The following FARS2 variants were observed in gnomAD, a reference collection of about 807,000 sequenced individuals.
FARS2 encodes phenylalanine--tRNA ligase, mitochondrial.
In FARS2, 40 loss-of-function variants were observed where a neutral mutation model predicts 46.4. The ratio of observed to expected loss-of-function variants is 0.86; its 90% CI spans 0.67 to 1.12. The LOEUF is 1.12. FARS2 is among the 50% of genes most tolerant of loss of function. The probability of loss-of-function intolerance (pLI) is 0.00; values close to 1 mark genes in which losing one functional copy is unlikely to be tolerated. For synonymous variants in FARS2, 234 were observed against 214.9 expected (o/e 1.09, Z -0.78); for missense variants, 513 against 567.9 (o/e 0.90, Z 0.98).
At chr6:5,518,586 G>C (rs1768951251) in intron 4 of FARS2, among the ~76,000 whole-genome samples, 1 of 151,946 alleles carries the variant, frequency 6.6e-6, no homozygotes, top group Non-Finnish European at 1.5e-5. Flanking sequence ...AGGACCAGAG[G>C]AAAATATATG....
Position 5,737,396 on chromosome 6 carries a change from T to C in FARS2, c.1218-33895T>C, listed in dbSNP as rs182141979. 2.0e-3 allele frequency among the ~76,000 whole-genome samples: 304 copies of C among 152,298 alleles called. 2 individuals carry two copies. The highest frequency in any genetic ancestry group is 7.0e-3 in the African/African-American group (291 of 41,572). On this transcript the variant is annotated intron_variant, in intron 6 of 6. Coordinates refer to ENST00000274680, the MANE Select transcript of FARS2 (RefSeq NM_006567.5). ...AAATACAAAAATTAACTGTACGTGG[T>C]GGCATGTGCCTGTAGTCCCAGCTAC...
chr6:5,489,621 C>A (rs1766981440), intron 4 of FARS2, among the ~76,000 whole-genome samples: 1 of 152,110 alleles, frequency 6.6e-6, no homozygotes. Flanking sequence ...CATCTCTTTC[C>A]TTCTCTCTAC....
At chr6:5,685,801 T>G (rs1006496203) in intron 6 of FARS2, among the ~76,000 whole-genome samples, 1 of 152,178 alleles carries the variant, frequency 6.6e-6, no homozygotes, top group African/African-American at 2.4e-5. Flanking sequence ...GAGGCCCATA[T>G]TGGGCCCCTT....
intron 5 of FARS2, among the ~76,000 whole-genome samples, chr6:5,546,542 G>T (rs551585856): frequency 1.3e-5 from 2 of 151,916 alleles, no homozygotes; most frequent in South Asian, 2.1e-4. Context: ...GAGCCACTGC[G>T]CCCAGCCCTC....
intron 1 of FARS2, among the ~76,000 whole-genome samples, chr6:5,293,681 A>C (rs1354902031): frequency 2.0e-5 from 3 of 152,010 alleles, no homozygotes; most frequent in Non-Finnish European, 4.4e-5. Flanking sequence ...TCCATGTACG[A>C]TTTTTTTTGT....
chr6:5,386,861 G>T (rs72815676), intron 2 of FARS2, among the ~76,000 whole-genome samples: 80 of 152,258 alleles, frequency 5.3e-4, no homozygotes, highest in Non-Finnish European at 1.0e-3. Flanking sequence ...TCTGGGCCTG[G>T]CACAGTCGCC....
intron 6 of FARS2, among the ~76,000 whole-genome samples, chr6:5,736,499 A>G (rs1431671821): frequency 1.1e-4 from 17 of 152,160 alleles, no homozygotes; most frequent in Non-Finnish European, 2.2e-4. Context: ...GTTGCCTCTA[A>G]AAAGACCAGC....
At chr6:5,683,131 T>A (rs1051597553) in intron 6 of FARS2, among the ~76,000 whole-genome samples, 3 of 152,158 alleles carry the variant, frequency 2.0e-5, no homozygotes, top group African/African-American at 7.2e-5. Context: ...TAGCATGTGA[T>A]CTGACTTATT....
chr6:5,504,899 C>G (rs533407631), intron 4 of FARS2, among the ~76,000 whole-genome samples: 19 of 152,260 alleles, frequency 1.2e-4, no homozygotes, highest in African/African-American at 4.3e-4. Flanking sequence ...AATCTCGGCT[C>G]ACTGCAGTCT....
chr6:5,341,220 TATATA>T (rs1771587354), intron 1 of FARS2, among the ~76,000 whole-genome samples: 12 of 7,692 alleles, frequency 1.6e-3, no homozygotes, highest in African/African-American at 4.0e-3. Flanking sequence ...TATATATATA[TATATA>T]TATATATATA....
chr6:5,423,223 C>G (rs930787790), intron 3 of FARS2, among the ~76,000 whole-genome samples: 1 of 152,036 alleles, frequency 6.6e-6, no homozygotes, highest in Non-Finnish European at 1.5e-5. Flanking sequence ...TGCTGTGGCT[C>G]TGCCTGAGGC....
intron 1 of FARS2, among the ~76,000 whole-genome samples, chr6:5,315,738 T>TTCTTTCTTTCTTTCTTTC (rs1769438335): frequency 8.0e-6 from 1 of 125,154 alleles, no homozygotes; most frequent in African/African-American, 3.2e-5. Context: ...TTCTTTCTTT[T>TTCTTTCTTTCTTTCTTTC]TTCCTTTCTT....
chr6:5,529,611 C>T (rs1341290104), intron 4 of FARS2, among the ~76,000 whole-genome samples: 1 of 152,114 alleles, frequency 6.6e-6, no homozygotes, highest in African/African-American at 2.4e-5. Context: ...CAGCCTAAGT[C>T]ACAGTAATTA....
chr6:5,347,851 A>C (rs1174613323), intron 1 of FARS2, among the ~76,000 whole-genome samples: 4 of 152,214 alleles, frequency 2.6e-5, no homozygotes, highest in African/African-American at 4.8e-5. Flanking sequence ...TACTGGAACA[A>C]CAACAAGAAC....
intron 6 of FARS2, among the ~76,000 whole-genome samples, chr6:5,661,039 G>A (rs1433951501): frequency 2.0e-5 from 3 of 152,194 alleles, no homozygotes; most frequent in Non-Finnish European, 2.9e-5. Context: ...AGAACCAGCG[G>A]GAGGCTACAG....
intron 5 of FARS2, among the ~76,000 whole-genome samples, chr6:5,607,755 C>G (rs1003446687): frequency 6.6e-6 from 1 of 152,136 alleles, no homozygotes; most frequent in Non-Finnish European, 1.5e-5. Flanking sequence ...CAAGTCATGA[C>G]TTTCATTCCC....
rs11327256 is a variant in FARS2 at position 5,616,010 on chromosome 6, T to TAAAAAAA, written c.1217+2709_1217+2715dup. On this transcript the variant is annotated intron_variant, in intron 6 of 6. Transcript: ENST00000274680. Reference sequence around the variant, plus strand: ...ACTTCAGATTGTAACCCATAGCTCTTAAAAAAAAAAAAAAAAAAAAAAAAA... The same window carrying TAAAAAAA: ...ACTTCAGATTGTAACCCATAGCTCTTAAAAAAAAAAAAAAAAAAAAAAAAAAAAAAAA... 5.2e-5 allele frequency among the ~76,000 whole-genome samples: 5 copies of TAAAAAAA among 95,834 alleles called. No individual in the cohort carries two copies. In the East Asian group the frequency reaches 1.0e-3, roughly 20 times the overall value. The allele number at this position is 95,834 out of a possible 152,430, so 62.9% of individuals were successfully genotyped here.
intron 3 of FARS2, among the ~76,000 whole-genome samples, chr6:5,408,302 A>G (rs1292475909): frequency 1.3e-5 from 2 of 152,150 alleles, no homozygotes; most frequent in Non-Finnish European, 2.9e-5. Flanking sequence ...GACACCTGGT[A>G]AGTGGGAATT....
At chr6:5,306,096 A>G (rs577426511) in intron 1 of FARS2, among the ~76,000 whole-genome samples, 91 of 152,264 alleles carry the variant, frequency 6.0e-4, no homozygotes, top group Non-Finnish European at 8.1e-4. Context: ...CCTAGGGTAG[A>G]GGTTTAAGGT....
Sources: gnomAD v4.1 joint callset for allele counts (sites outside exome capture counted in the v4.1 genomes callset) on GRCh38, gnomAD v4.1.1 for gene constraint, MANE v1.5 for transcripts, NCBI Gene and HGNC (gene_info 2026-07-23, HGNC 2026-07-21) for gene names.